TSPAN18: variants seen among roughly 807,000 people sequenced by gnomAD.
TSPAN18 encodes tetraspanin-18.
A neutral mutation model predicts 27.3 loss-of-function variants in TSPAN18; 14 were observed. That is an observed-to-expected ratio of 0.51 (90% CI 0.34 to 0.80). The LOEUF (loss-of-function observed/expected upper bound fraction) is 0.80, where lower values mean the gene tolerates loss of function less well. TSPAN18 is among the 30% of genes least tolerant of loss of function. The pLI, the probability that TSPAN18 is intolerant of heterozygous loss-of-function variation, is 0.01. For synonymous variants in TSPAN18, 143 were observed against 136.5 expected, an observed-to-expected ratio of 1.05 and a Z score of -0.33; for missense variants, 268 against 323.9, an observed-to-expected ratio of 0.83 and a Z score of 1.32.
chr11:44,790,151 G>A (rs1856158740), intron 2 of TSPAN18, among the ~76,000 whole-genome samples: 1 of 133,270 alleles, frequency 7.5e-6, no homozygotes, highest in South Asian at 2.4e-4. Flanking sequence ...CCGCGTGTGT[G>A]CATGTGTGTG....
In TSPAN18 at chr11:44,765,304, G is replaced by C. The variant is rs887613026; in HGVS notation, c.-153+792G>C. On this transcript the variant is annotated intron_variant, in intron 2 of 9. Transcript: ENST00000520358. ...TGAAATAGAAGAAGTGACAGGTCAG[G>C]GGTTGGGAGGTTGTGGAAGGCCATG... Among the ~76,000 whole-genome samples the C allele has an allele frequency of 2.4e-4, 37 of 152,176 alleles. 1 individual carries two copies. The highest frequency in any genetic ancestry group is 8.4e-4 in the African/African-American group (35 of 41,440).
intron 3 of TSPAN18, among the ~76,000 whole-genome samples, chr11:44,872,359 C>T (rs1286974406): frequency 1.3e-5 from 2 of 152,192 alleles, no homozygotes; most frequent in Admixed American, 6.5e-5. Flanking sequence ...AGGGCATCAA[C>T]ATATGAATTT....
chr11:44,746,798 A>G (rs1855087276), intron 1 of TSPAN18, among the ~76,000 whole-genome samples: 1 of 152,200 alleles, frequency 6.6e-6, no homozygotes, highest in Non-Finnish European at 1.5e-5. Context: ...TTATGATTAG[A>G]AAATACACGG....
At chr11:44,836,028 A>T (rs1467743061) in intron 2 of TSPAN18, among the ~76,000 whole-genome samples, 2 of 152,090 alleles carry the variant, frequency 1.3e-5, no homozygotes, top group African/African-American at 4.8e-5. Flanking sequence ...TCCTATTTCC[A>T]ACTACATAAC....
At chr11:44,871,396 A>G (rs1858191536) in intron 3 of TSPAN18, among the ~76,000 whole-genome samples, 1 of 152,078 alleles carries the variant, frequency 6.6e-6, no homozygotes, top group African/African-American at 2.4e-5. Flanking sequence ...CTCATGACCT[A>G]ATTACCTCAC....
intron 3 of TSPAN18, among the ~76,000 whole-genome samples, chr11:44,862,483 C>T (rs1321180988): frequency 6.6e-6 from 1 of 152,228 alleles, no homozygotes; most frequent in Non-Finnish European, 1.5e-5. Context: ...CTCAGCACCA[C>T]CCTGCCTTAT....
chr11:44,796,872 C>G (rs1469848922), intron 2 of TSPAN18, among the ~76,000 whole-genome samples: 1 of 152,096 alleles, frequency 6.6e-6, no homozygotes, highest in Non-Finnish European at 1.5e-5. Flanking sequence ...TGATCACCCA[C>G]GTTGAGACAC....
rs11038202 is a variant in TSPAN18 at position 44,909,057 on chromosome 11, C to T, written c.64-648C>T. ...CAAAGATAAATAAGGCATAGAGAGC[C>T]CATGTTGATGGAGACATAAATAAGA... On this transcript the variant is annotated intron_variant, in intron 4 of 9. Transcript: ENST00000520358. Among the ~76,000 whole-genome samples, 813 of 152,204 alleles carry T rather than the reference C, an allele frequency of 5.3e-3. 6 individuals are homozygous for T. Among genetic ancestry groups the T allele is most frequent in the African/African-American group, 0.019 (784 of 41,544 alleles).
intron 2 of TSPAN18, among the ~76,000 whole-genome samples, chr11:44,821,693 GGGATGGTT>G (rs1398021372): frequency 5.0e-5 from 3 of 59,720 alleles, no homozygotes; most frequent in Middle Eastern, 6.7e-3. Context: ...TTCAAGGTCA[GGGATGGTT>G]TCTTCTTCAC....
At chr11:44,740,221 A>G (rs3892898) in intron 1 of TSPAN18, among the ~76,000 whole-genome samples, 53,135 of 152,046 alleles carry the variant, frequency 0.35, 13,206 homozygotes, top group East Asian at 0.82. Context: ...TGGGCTAGGT[A>G]GGGTTTGGGA....
intron 2 of TSPAN18, among the ~76,000 whole-genome samples, chr11:44,821,772 A>G (rs1162231113): frequency 2.0e-5 from 3 of 152,224 alleles, no homozygotes; most frequent in East Asian, 1.9e-4. Context: ...GGGCTTCTGC[A>G]TAAATTTACA....
intron 1 of TSPAN18, among the ~76,000 whole-genome samples, chr11:44,750,880 T>C (rs1855194816): frequency 6.6e-6 from 1 of 152,210 alleles, no homozygotes; most frequent in Non-Finnish European, 1.5e-5. Flanking sequence ...GGTCACACAG[T>C]GACTTACAGG....
chr11:44,886,431 C>T (rs1464023420), intron 3 of TSPAN18: 1 of 152,248 alleles, frequency 6.6e-6, no homozygotes, highest in Non-Finnish European at 1.5e-5. Flanking sequence ...TCCAACACGG[C>T]TGTGTCATCT....
At chr11:44,727,970 C>G (rs1431006526) in intron 1 of TSPAN18, among the ~76,000 whole-genome samples, 1 of 152,184 alleles carries the variant, frequency 6.6e-6, no homozygotes, top group African/African-American at 2.4e-5. Context: ...TGGGATCGCG[C>G]CGGCTCCGGG....
At chr11:44,853,905 GGGAGGGA>G (rs1486700634) in intron 2 of TSPAN18, among the ~76,000 whole-genome samples, 1 of 152,152 alleles carries the variant, frequency 6.6e-6, no homozygotes, top group African/African-American at 2.4e-5. Context: ...GAGAGGGCAG[GGGAGGGA>G]GGAAAGGAAG....
intron 1 of TSPAN18, among the ~76,000 whole-genome samples, chr11:44,731,633 T>TGTGAGA (rs139154582): frequency 0.015 from 1,604 of 107,394 alleles, 52 homozygotes; most frequent in African/African-American, 0.05. Flanking sequence ...TGTGTGTGTG[T>TGTGAGA]GAGAGAGAGA....
chr11:44,917,381 A>G (rs1028429816), intron 5 of TSPAN18, among the ~76,000 whole-genome samples: 1 of 152,190 alleles, frequency 6.6e-6, no homozygotes, highest in African/African-American at 2.4e-5. Context: ...GGAGCAGAAG[A>G]CTGTGTTAGA....
intron 2 of TSPAN18, among the ~76,000 whole-genome samples, chr11:44,809,006 T>C (rs1856660743): frequency 6.6e-6 from 1 of 152,166 alleles, no homozygotes; most frequent in Non-Finnish European, 1.5e-5. Flanking sequence ...GCAACTACCA[T>C]GGGACAGACC....
intron 2 of TSPAN18, among the ~76,000 whole-genome samples, chr11:44,788,612 C>T (rs1311043815): frequency 1.3e-5 from 2 of 151,998 alleles, no homozygotes; most frequent in Admixed American, 6.6e-5. Flanking sequence ...CATGTGCCAC[C>T]ACGCCCAACT....
Sources: allele counts gnomAD v4.1 joint callset (sites outside exome capture counted in the v4.1 genomes callset), GRCh38; gene constraint gnomAD v4.1.1; transcripts MANE v1.5; gene names NCBI Gene and HGNC (gene_info 2026-07-23, HGNC 2026-07-21).